GABRB2: variants seen among roughly 807,000 people sequenced by gnomAD.
GABRB2 encodes the protein gamma-aminobutyric acid type A receptor subunit beta2, also known as gamma-aminobutyric acid receptor subunit beta-2.
GABRB2 carries 16 observed loss-of-function variants against 54.7 expected under a neutral mutation model. The observed-to-expected ratio is 0.29, with a 90% CI of 0.20 to 0.44. The LOEUF (loss-of-function observed/expected upper bound fraction) is 0.44. GABRB2 is among the 20% of genes least tolerant of loss of function. The pLI is 1.00. For missense variants in GABRB2, 355 were observed against 644.0 expected (o/e 0.55, Z 4.86); for synonymous variants, 244 against 233.8 (o/e 1.04, Z -0.40).
At chr5:161,487,130 T>C (rs1758950101) in intron 3 of GABRB2, among the ~76,000 whole-genome samples, 1 of 151,980 alleles carries the variant, frequency 6.6e-6, no homozygotes, top group Non-Finnish European at 1.5e-5. Flanking sequence ...CTGAAAATGT[T>C]CTTTTCCCAA....
At chr5:161,386,824 C>A (rs376262869) in intron 5 of GABRB2, among the ~76,000 whole-genome samples, 354 of 136,898 alleles carry the variant, frequency 2.6e-3, no homozygotes, top group Middle Eastern at 3.6e-3. Flanking sequence ...TGTGCCCAGC[C>A]AAAAAAAAAA....
chr5:161,533,929 G>A (rs1050128437), intron 3 of GABRB2, among the ~76,000 whole-genome samples: 2 of 152,072 alleles, frequency 1.3e-5, no homozygotes, highest in Admixed American at 6.6e-5. Flanking sequence ...AAAACTGGAA[G>A]GTAATATAGG....
At chr5:161,547,076 G>A (rs1761010307), upstream of GABRB2, 1 of 162,616 alleles carries the variant, frequency 6.1e-6, no homozygotes, top group Non-Finnish European at 1.3e-5. Flanking sequence ...GAGAGCAGGT[G>A]TGGCGTGCCA....
At chr5:161,354,719 C>T (rs563244570) in intron 5 of GABRB2, among the ~76,000 whole-genome samples, 4 of 152,114 alleles carry the variant, frequency 2.6e-5, no homozygotes, top group Non-Finnish European at 5.9e-5. Context: ...AAAGGCTTCC[C>T]ATTTTATCAT....
At chr5:161,493,950 T>C (rs780809279) in intron 3 of GABRB2, among the ~76,000 whole-genome samples, 41 of 151,944 alleles carry the variant, frequency 2.7e-4, no homozygotes, top group Non-Finnish European at 4.1e-4. Flanking sequence ...ATTACATATG[T>C]TAAGTAGCTT....
At chr5:161,314,265 G>T (rs145190656) in intron 9 of GABRB2, among the ~76,000 whole-genome samples, 1 of 152,248 alleles carries the variant, frequency 6.6e-6, no homozygotes, top group South Asian at 2.1e-4. Flanking sequence ...TCTTTAGGGA[G>T]CCACAGTAGG....
chr5:161,400,907 C>T (rs1756164732), intron 5 of GABRB2, among the ~76,000 whole-genome samples: 1 of 152,126 alleles, frequency 6.6e-6, no homozygotes, highest in Non-Finnish European at 1.5e-5. Context: ...CCAGGTTTTA[C>T]ATAGAATTCA....
intron 3 of GABRB2, among the ~76,000 whole-genome samples, chr5:161,505,690 A>G (rs937185205): frequency 6.6e-6 from 1 of 152,202 alleles, no homozygotes; most frequent in Admixed American, 6.5e-5. Flanking sequence ...GAAAAGAAAA[A>G]TAAATGATCT....
intron 4 of GABRB2, among the ~76,000 whole-genome samples, chr5:161,456,818 C>T (rs544178756): frequency 9.2e-5 from 14 of 152,136 alleles, no homozygotes; most frequent in Non-Finnish European, 2.1e-4. Flanking sequence ...AATACAGACA[C>T]AAACTTCTCA....
chr5:161,361,292 A>G (rs1754802642), intron 5 of GABRB2, among the ~76,000 whole-genome samples: 1 of 152,072 alleles, frequency 6.6e-6, no homozygotes, highest in South Asian at 2.1e-4. Context: ...TTATATTTTT[A>G]TTTTTTAAAC....
intron 3 of GABRB2, among the ~76,000 whole-genome samples, chr5:161,515,610 A>G (rs1482681805): frequency 2.0e-5 from 3 of 152,160 alleles, no homozygotes; most frequent in Non-Finnish European, 4.4e-5. Context: ...TACCATGCAA[A>G]CGTATTATCT....
At chr5:161,492,477 A>C (rs923060442) in intron 3 of GABRB2, among the ~76,000 whole-genome samples, 4 of 151,628 alleles carry the variant, frequency 2.6e-5, no homozygotes, top group African/African-American at 9.7e-5. Context: ...TGTTAAACTA[A>C]GCCGTGTTAA....
At chr5:161,514,191 T>C (rs994035244) in intron 3 of GABRB2, among the ~76,000 whole-genome samples, 1 of 152,126 alleles carries the variant, frequency 6.6e-6, no homozygotes, top group Admixed American at 6.6e-5. Context: ...GCTGATTATA[T>C]GACCAGAGTG....
chr5:161,369,493 AC>A (rs1236803620), intron 5 of GABRB2, among the ~76,000 whole-genome samples: 1 of 151,850 alleles, frequency 6.6e-6, no homozygotes, highest in Non-Finnish European at 1.5e-5. Context: ...TTTAGAAAGA[AC>A]GAATGCTTTC....
rs73797566 is a variant in GABRB2, at chr5:161,314,003, T to C, written c.1191+12365A>G. Among the ~76,000 whole-genome samples, 1,193 of 152,368 alleles carry C rather than the reference T, an allele frequency of 7.8e-3. 15 individuals are homozygous for C. The highest frequency in any genetic ancestry group is 0.026 in the African/African-American group (1,068 of 41,594). On this transcript the variant is annotated intron_variant, in intron 9 of 9. Coordinates refer to ENST00000393959, the MANE Select transcript of GABRB2 (RefSeq NM_001371727.1). ...ACTTTGTGAGAAAAGTTTCGTGTTATACTGCAGCTGGCTGCATCAGGGTAG... is the reference window on the plus strand; with the variant it reads ...ACTTTGTGAGAAAAGTTTCGTGTTACACTGCAGCTGGCTGCATCAGGGTAG...
chr5:161,306,693 G>A (rs1757700078), intron 9 of GABRB2, among the ~76,000 whole-genome samples: 1 of 152,072 alleles, frequency 6.6e-6, no homozygotes, highest in South Asian at 2.1e-4. Flanking sequence ...AGATGAGTTG[G>A]ATGGGGAGGG....
intron 3 of GABRB2, among the ~76,000 whole-genome samples, chr5:161,504,909 T>C (rs1450858896): frequency 6.6e-6 from 1 of 151,454 alleles, no homozygotes; most frequent in Non-Finnish European, 1.5e-5. Flanking sequence ...AAAGAAGAAA[T>C]AGTAAATATG....
intron 5 of GABRB2, among the ~76,000 whole-genome samples, chr5:161,373,723 TTTGCTGCCTCTGAGTTTATTCTACAG>T (rs1056086670): frequency 2.0e-5 from 3 of 152,208 alleles, no homozygotes; most frequent in Non-Finnish European, 2.9e-5. Flanking sequence ...ATGCCAGGTC[TTTGCTGCCTCTGAGTTTATTCTACAG>T]CTTTTCCTCC....
intron 5 of GABRB2, among the ~76,000 whole-genome samples, chr5:161,352,823 AT>A (rs2113438033): frequency 6.6e-6 from 1 of 152,110 alleles, no homozygotes; most frequent in South Asian, 2.1e-4. Context: ...CATATATATA[AT>A]TTTTGTCAAG....
Sources: gnomAD v4.1 joint callset for allele counts (sites outside exome capture counted in the v4.1 genomes callset) on GRCh38, gnomAD v4.1.1 for gene constraint, MANE v1.5 for transcripts, NCBI Gene and HGNC (gene_info 2026-07-23, HGNC 2026-07-21) for gene names.